The following TRIO variants were observed in gnomAD, a reference collection of about 807,000 sequenced individuals.
The protein encoded by TRIO is triple functional domain protein.
A neutral mutation model predicts 351.9 loss-of-function variants in TRIO; 58 were observed. That is an observed-to-expected ratio of 0.16 (90% confidence interval 0.13 to 0.21). TRIO has a LOEUF of 0.21. TRIO is among the 10% of genes least tolerant of loss of function. TRIO has a pLI of 1.00. For synonymous variants in TRIO, 1,758 were observed against 1,595.7 expected, an observed-to-expected ratio of 1.10 and a Z score of -2.42; for missense variants, 3,201 against 4,027.8, an observed-to-expected ratio of 0.79 and a Z score of 5.56.
intron 31 of TRIO, among the ~76,000 whole-genome samples, chr5:14,405,157 C>G (rs955386502): frequency 2.0e-5 from 3 of 151,340 alleles, no homozygotes; most frequent in South Asian, 4.2e-4. Context: ...TGCTGACAAT[C>G]TAGTCTGTGT....
chr5:14,238,350 A>G (rs1326223350), intron 1 of TRIO, among the ~76,000 whole-genome samples: 3 of 152,200 alleles, frequency 2.0e-5, no homozygotes, highest in Non-Finnish European at 2.9e-5. Context: ...TAAAACATTT[A>G]TACTGTCAGT....
chr5:14,191,624 T>C (rs1414593055), intron 1 of TRIO, among the ~76,000 whole-genome samples: 1 of 151,954 alleles, frequency 6.6e-6, no homozygotes, highest in African/African-American at 2.4e-5. Flanking sequence ...CTTATTTTCA[T>C]CATTAACATA....
intron 1 of TRIO, among the ~76,000 whole-genome samples, chr5:14,176,574 C>T (rs369964481): frequency 5.4e-4 from 83 of 152,308 alleles, no homozygotes; most frequent in African/African-American, 1.9e-3. Context: ...CTACCTCAGC[C>T]TCCCGAGTAC....
chr5:14,218,112 A>G (rs1032298887), intron 1 of TRIO, among the ~76,000 whole-genome samples: 4 of 152,198 alleles, frequency 2.6e-5, no homozygotes, highest in African/African-American at 9.7e-5. Flanking sequence ...GGATTTTAAA[A>G]TGCAACTTTT....
intron 27 of TRIO, 144 bp from the exon 28 acceptor site, chr5:14,393,894 C>T: frequency 2.1e-6 from 1 of 476,428 alleles, no homozygotes; most frequent in East Asian, 3.2e-5. Flanking sequence ...AATTTAAAAG[C>T]CTCTTAGGAA....
chr5:14,367,076 G>T, intron 16 of TRIO, 97 bp downstream of exon 16: 1 of 1,529,430 alleles, frequency 6.5e-7, no homozygotes, highest in Admixed American at 2.0e-5. Flanking sequence ...GAACCACATG[G>T]GGCTGGCTTG....
In TRIO at chr5:14,291,077, A is replaced by T. The variant is rs765989161; in HGVS notation, c.902A>T (p.Asn301Ile). ...CCCAAAAAGAACTCAGGCTCAGGCA[A>T]TGCGGACCTGCAGAACCTCTTGCCC... ...SFPKKNSGSG[N>I]ADLQNLLPKV... The change falls in exon 5 of 57, where the codon AAT (asparagine) becomes ATT (isoleucine). Residue 301 changes from asparagine to isoleucine, a missense_variant. Asn to Ile is a moderately radical substitution (Grantham distance 149). Around this residue, in one of 19 missense-constraint regions of TRIO, gnomAD observed 349 missense variants for 449.3 expected, o/e 0.78. Coordinates refer to ENST00000344204, the MANE Select transcript of TRIO (RefSeq NM_007118.4). 5 of 1,614,200 alleles carry T rather than the reference A, an allele frequency of 3.1e-6. No homozygotes were observed. The highest frequency in any genetic ancestry group is 3.4e-6 in the Non-Finnish European group (4 of 1,180,030).
intron 1 of TRIO, among the ~76,000 whole-genome samples, chr5:14,205,508 G>C (rs1480480068): frequency 2.0e-5 from 3 of 151,980 alleles, no homozygotes; most frequent in African/African-American, 7.3e-5. Context: ...CCAGGGAGAG[G>C]ATAAAAACCC....
chr5:14,189,484 C>T (rs1209470755), intron 1 of TRIO, among the ~76,000 whole-genome samples: 1 of 152,198 alleles, frequency 6.6e-6, no homozygotes. Flanking sequence ...ATACAAATAA[C>T]AGCAGTTCCT....
Position 14,336,733 on chromosome 5 carries a change from G to C in TRIO, c.2046+6G>C. ...TTCACACCCATGTGAAAGAGGTAAG[G>C]TGCCAGGAGACCAAAATATGATCTG... On this transcript the variant is annotated splice_donor_region_variant and intron_variant, in intron 11 of 56. Coordinates refer to ENST00000344204, the MANE Select transcript of TRIO (RefSeq NM_007118.4). The C allele has an allele frequency of 6.2e-7, 1 of 1,614,012 alleles. No individual in the cohort carries two copies. Among genetic ancestry groups the C allele is most frequent in the Non-Finnish European group, 8.5e-7 (1 of 1,179,926 alleles).
In TRIO at chr5:14,218,479, ACT is replaced by A. The variant is rs543457490; in HGVS notation, c.158-52343_158-52342del. ...ACCTGAGCTGAGTCTCTAAGAGTCA[ACT>A]CTGCTGTGAAATTGATGTTGAAATA... is the stretch of plus-strand genomic sequence containing the variant. On this transcript the variant is annotated intron_variant, in intron 1 of 56. Transcript: ENST00000344204. 2.0e-3 allele frequency among the ~76,000 whole-genome samples: 301 copies of A among 152,338 alleles called. 1 individual carries two copies. The highest frequency in any genetic ancestry group is 3.7e-3 in the Non-Finnish European group (252 of 68,032).
chr5:14,475,252 G>T (rs1443096030), intron 40 of TRIO, among the ~76,000 whole-genome samples: 1 of 152,090 alleles, frequency 6.6e-6, no homozygotes, highest in African/African-American at 2.4e-5. Flanking sequence ...TTACCTGGCC[G>T]GGCCTTCTGC....
intron 15 of TRIO, among the ~76,000 whole-genome samples, chr5:14,365,744 T>C (rs1170448496): frequency 6.6e-6 from 1 of 152,218 alleles, no homozygotes; most frequent in African/African-American, 2.4e-5. Context: ...CAAGTCAGAA[T>C]GTAGAAGAAG....
intron 34 of TRIO, among the ~76,000 whole-genome samples, chr5:14,437,695 G>A (rs165489): frequency 6.8e-5 from 7 of 103,596 alleles, no homozygotes; most frequent in Non-Finnish European, 1.2e-4. Flanking sequence ...CACCCCCCCC[G>A]CCCCAAGGAC....
chr5:14,345,010 A>T (rs886496184), intron 11 of TRIO, among the ~76,000 whole-genome samples: 11 of 152,202 alleles, frequency 7.2e-5, no homozygotes, highest in African/African-American at 2.4e-4. Flanking sequence ...CCAAATAAAC[A>T]TGTATAAAGC....
At chr5:14,268,126 A>G (rs1581488002) in intron 1 of TRIO, among the ~76,000 whole-genome samples, 1 of 152,228 alleles carries the variant, frequency 6.6e-6, no homozygotes, top group East Asian at 1.9e-4. Context: ...CAATAGGTTA[A>G]CATAACTACA....
chr5:14,339,704 T>A (rs1741763035), intron 11 of TRIO, among the ~76,000 whole-genome samples: 1 of 152,218 alleles, frequency 6.6e-6, no homozygotes, highest in Non-Finnish European at 1.5e-5. Flanking sequence ...GCCCGCAGGC[T>A]GGAATGCTGC....
chr5:14,230,708 CCTT>C (rs1410616945), intron 1 of TRIO, among the ~76,000 whole-genome samples: 1 of 152,054 alleles, frequency 6.6e-6, no homozygotes, highest in East Asian at 1.9e-4. Flanking sequence ...GGTCATTTCT[CCTT>C]TGTATCATTC....
chr5:14,147,515 A>T (rs902245986), intron 1 of TRIO, among the ~76,000 whole-genome samples: 3 of 152,172 alleles, frequency 2.0e-5, no homozygotes, highest in African/African-American at 7.2e-5. Context: ...GGCACGCTTT[A>T]GGTTGGCGTT....
Sources: allele counts gnomAD v4.1 joint callset (sites outside exome capture counted in the v4.1 genomes callset), GRCh38; gene constraint gnomAD v4.1.1; regional missense constraint gnomAD v4.1.1; transcripts MANE v1.5; gene names NCBI Gene and HGNC (gene_info 2026-07-23, HGNC 2026-07-21).